Variants in BTN3A3 observed in about 807,000 individuals in gnomAD.
The protein encoded by BTN3A3 is butyrophilin subfamily 3 member A3, also known as butyrophilin 3.
BTN3A3 carries 39 observed loss-of-function variants against 43.2 expected under a neutral mutation model. The ratio of observed to expected loss-of-function variants is 0.90; its 90% CI spans 0.70 to 1.18. The LOEUF is 1.18. Among genes scored for constraint, BTN3A3 ranks in the 50% most tolerant of loss-of-function variants. BTN3A3 has a pLI of 0.00. For synonymous variants in BTN3A3, 255 were observed against 272.7 expected (o/e 0.93, Z 0.64); for missense variants, 631 against 722.8 (o/e 0.87, Z 1.46).
chr6:26,452,224 A>G lies in BTN3A3; in HGVS notation c.1568A>G (p.Asp523Gly). 6.2e-7 allele frequency: 1 copy of G among 1,614,140 alleles called. No homozygotes were observed. The highest frequency in any genetic ancestry group is 8.5e-7 in the Non-Finnish European group (1 of 1,180,022). ...PIPKEVESSP[D>G]PDLVPDHSLE... ...CCAAAAGAAGTAGAGAGTTCCCCCGATCCTGACCTAGTGCCTGATCATTCC... is the reference window on the plus strand; with the variant it reads ...CCAAAAGAAGTAGAGAGTTCCCCCGGTCCTGACCTAGTGCCTGATCATTCC... Residue 523 changes from aspartate (D) to glycine (G), a missense_variant, in exon 11 of 11, where the codon GAT becomes GGT. Asp to Gly is a moderately conservative substitution (Grantham distance 94). Coordinates refer to ENST00000244519, the MANE Select transcript of BTN3A3 (RefSeq NM_006994.5).
chr6:26,448,355 A>C lies in BTN3A3; in HGVS notation c.823A>C (p.Lys275Gln), dbSNP rs1431233364. The C allele has an allele frequency of 6.2e-7, 1 of 1,613,856 alleles. No individual in the cohort carries two copies. The highest frequency in any genetic ancestry group is 8.5e-7 in the Non-Finnish European group (1 of 1,179,962). Residue 275 changes from lysine (K) to glutamine (Q), a missense_variant, in exon 6 of 11, where the codon AAG (lysine) becomes CAG (glutamine). By Grantham distance (53) the Lys-to-Gln change is moderately conservative (BLOSUM62 1). Around this residue, in one of 2 missense-constraint regions of BTN3A3, gnomAD observed 551 missense variants for 584.0 expected, o/e 0.94. Coordinates refer to ENST00000244519, the MANE Select transcript of BTN3A3 (RefSeq NM_006994.5). ...CAGTTACTTCTTGTGGAGACAACAG[A>C]AGGAAAAAATTGCTCTGTCCAGGGA... ...GASYFLWRQQ[K>Q]EKIALSRETE...
chr6:26,448,750 G>A lies in BTN3A3; in HGVS notation c.960G>A (p.Met320Ile), dbSNP rs150366659. The part of the protein sequence containing the change: ...EELKWRKIQY[M>I]ARGEKSLAYH... ...CAGAGTGGAGGAAAATCCAGTACAT[G>A]GCTCGTGAGTGACTCTGACATTTTC... is the stretch of plus-strand genomic sequence containing the variant. Residue 320 changes from methionine (M) to isoleucine (I), a missense_variant, in exon 8 of 11, where the codon ATG (methionine) becomes ATA (isoleucine). Coordinates refer to ENST00000244519, the MANE Select transcript of BTN3A3 (RefSeq NM_006994.5). 11 of 1,613,686 alleles carry A rather than the reference G, an allele frequency of 6.8e-6. No individual in the cohort carries two copies. Among genetic ancestry groups the A allele is most frequent in the Non-Finnish European group, 9.3e-6 (11 of 1,179,972 alleles).
In BTN3A3 at chr6:26,444,068, G is replaced by A. The variant is rs1266756094; in HGVS notation, c.197G>A (p.Arg66Lys). The change falls in exon 4 of 11, where the codon AGG (arginine) becomes AAG (lysine). Residue 66 changes from arginine (R) to lysine (K), a missense_variant. Physicochemically the swap from Arg to Lys is conservative, Grantham distance 26 (BLOSUM62 2). Coordinates refer to ENST00000244519, the MANE Select transcript of BTN3A3 (RefSeq NM_006994.5). ...PTMSAETMEL[R>K]WVSSSLRQVV... ...ATGAGTGCAGAGACCATGGAGCTGA[G>A]GTGGGTGAGTTCCAGCCTAAGGCAG... The A allele has an allele frequency of 2.1e-5, 34 of 1,613,802 alleles. No homozygotes were observed. The highest frequency in any genetic ancestry group is 1.6e-4 in the Middle Eastern group (1 of 6,076).
intron 10 of BTN3A3, 71 bp downstream of exon 10, chr6:26,450,204 C>T: frequency 2.6e-6 from 4 of 1,552,694 alleles, no homozygotes; most frequent in Non-Finnish European, 3.5e-6. Context: ...TCCTCCAACT[C>T]TTGTGATTTA....
At chr6:26,444,439 T>G (rs1581651875) in intron 4 of BTN3A3, 135 bp downstream of exon 4, 1 of 1,380,042 alleles carries the variant, frequency 7.2e-7, no homozygotes, top group Non-Finnish European at 1.0e-6. Flanking sequence ...CAACTTAGCT[T>G]CTCTGCAACC....
chr6:26,447,486 C>A (rs957209917), intron 5 of BTN3A3, among the ~76,000 whole-genome samples: 2 of 152,138 alleles, frequency 1.3e-5, no homozygotes, highest in African/African-American at 4.8e-5. Flanking sequence ...CCTCAGCCTC[C>A]CAAGTAGTTG....
At position 26,448,282 on chromosome 6, in the gene BTN3A3, G is replaced by T; in HGVS notation, c.750G>T (p.Ala250=). 1 of 1,613,708 alleles carries T rather than the reference G, an allele frequency of 6.2e-7. No homozygotes were observed. The highest frequency in any genetic ancestry group is 8.5e-7 in the Non-Finnish European group (1 of 1,179,936). ...PFFRSAQPWI[A]ALAGTLPISL... ...TCAGGAGCGCCCAGCCCTGGATCGC[G>T]GCCCTGGCAGGGACCCTGCCTATCT... Residue 250 remains alanine, a synonymous_variant, in exon 6 of 11, where the codon GCG becomes GCT. Coordinates refer to ENST00000244519, the MANE Select transcript of BTN3A3 (RefSeq NM_006994.5).
chr6:26,452,477 C>A lies in BTN3A3; in HGVS notation c.*66C>A. The A allele has an allele frequency of 7.3e-7, 1 of 1,370,270 alleles. No homozygotes were observed. Among genetic ancestry groups the A allele is most frequent in the South Asian group, 1.5e-5 (1 of 68,618 alleles). The allele number at this position is 1,370,270 out of a possible 1,614,324, so 84.9% of individuals were successfully genotyped here. A position where few individuals can be genotyped will look rare whatever the true frequency, so the allele number is the denominator to read the frequency against. ...CGTACCACCTTATTGTCCCCTTATACAGATAAGGAAACTGGGGTGCAGAAA... is the reference window on the plus strand; with the variant it reads ...CGTACCACCTTATTGTCCCCTTATAAAGATAAGGAAACTGGGGTGCAGAAA... On this transcript the variant is annotated 3_prime_UTR_variant, in exon 11 of 11. Coordinates refer to ENST00000244519, the MANE Select transcript of BTN3A3 (RefSeq NM_006994.5).
In BTN3A3 at chr6:26,444,174, G is replaced by A. The variant is rs1369464090; in HGVS notation, c.303G>A (p.Arg101=). 3 of 1,612,052 alleles carry A rather than the reference G, an allele frequency of 1.9e-6. No individual in the cohort carries two copies. Among genetic ancestry groups the A allele is most frequent in the South Asian group, 1.1e-5 (1 of 90,986 alleles). Residue 101 remains arginine (R), a synonymous_variant, in exon 4 of 11, where the codon CGG becomes CGA. Coordinates refer to ENST00000244519, the MANE Select transcript of BTN3A3 (RefSeq NM_006994.5). Reference sequence around the variant, plus strand: ...ATCGAGGGAGAACTTCGATTCTGCGGGATGGCATCACTGCAGGGAAGGCTG... The same window carrying A: ...ATCGAGGGAGAACTTCGATTCTGCGAGATGGCATCACTGCAGGGAAGGCTG... ...APYRGRTSIL[R]DGITAGKAAL... is the part of the protein sequence containing the mutation.
intron 1 of BTN3A3, among the ~76,000 whole-genome samples, chr6:26,442,026 A>C (rs1198848456): frequency 6.6e-6 from 1 of 152,212 alleles, no homozygotes; most frequent in East Asian, 1.9e-4. Context: ...AAGATGTGAA[A>C]TGCAATATTT....
At position 26,451,911 on chromosome 6, in the gene BTN3A3, A is replaced by G. The variant is rs745484236; in HGVS notation, c.1255A>G (p.Lys419Glu). Reference sequence around the variant, plus strand: ...GGTATGTAGTAAGAACGTGGAGAGGAAAAAAGGTTGGGTCAAAATGACACC... The same window carrying G: ...GGTATGTAGTAAGAACGTGGAGAGGGAAAAAGGTTGGGTCAAAATGACACC... ...IGVCSKNVER[K>E]KGWVKMTPEN... Residue 419 changes from lysine (K) to glutamate (E), a missense_variant, in exon 11 of 11, where the codon AAA becomes GAA. Physicochemically the swap from Lys to Glu is moderately conservative, Grantham distance 56. Around this residue, in one of 2 missense-constraint regions of BTN3A3, gnomAD observed 551 missense variants for 584.0 expected, o/e 0.94. Coordinates refer to ENST00000244519, the MANE Select transcript of BTN3A3 (RefSeq NM_006994.5). 1.2e-6 allele frequency: 2 copies of G among 1,613,986 alleles called. No homozygotes were observed. The highest frequency in any genetic ancestry group is 1.7e-6 in the Non-Finnish European group (2 of 1,180,032).
rs971144420 is a variant in BTN3A3, at chr6:26,453,360, A to T, written c.*949A>T. The T allele has an allele frequency of 1.3e-4, 20 of 152,034 alleles. No individual in the cohort carries two copies. Among genetic ancestry groups the T allele is most frequent in the African/African-American group, 4.8e-4 (20 of 41,446 alleles). 9.4% of individuals were successfully genotyped at this position (152,034 alleles called of 1,614,324 possible). A position where few individuals can be genotyped will look rare whatever the true frequency, so the allele number is the denominator to read the frequency against. ...TATTGCTCACCACTGTATCCCCTCTACTTGGCAAGTGGTTGTCAAGTTCTA... is the reference window on the plus strand; with the variant it reads ...TATTGCTCACCACTGTATCCCCTCTTCTTGGCAAGTGGTTGTCAAGTTCTA... On this transcript the variant is annotated 3_prime_UTR_variant, in exon 11 of 11. Transcript: ENST00000244519.
chr6:26,443,837 G>A, intron 3 of BTN3A3, 120 bp from the exon 4 acceptor site: 1 of 1,495,030 alleles, frequency 6.7e-7, no homozygotes, highest in Non-Finnish European at 9.2e-7. Flanking sequence ...TGGTCCTTCT[G>A]TTAGGATTGT....
chr6:26,441,415 T>C (rs1762632597), intron 1 of BTN3A3, among the ~76,000 whole-genome samples: 1 of 152,326 alleles, frequency 6.6e-6, no homozygotes, highest in South Asian at 2.1e-4. Flanking sequence ...ATTTTGGCTA[T>C]TTCAATTATC....
At chr6:26,445,188 A>C (rs1258167020) in intron 4 of BTN3A3, 1 of 162,324 alleles carries the variant, frequency 6.2e-6, no homozygotes, top group African/African-American at 2.4e-5. Context: ...ACTTATGTTC[A>C]ACAGGAGGAT....
chr6:26,449,194 T>A (rs1762863341), intron 8 of BTN3A3: 1 of 211,302 alleles, frequency 4.7e-6, no homozygotes, highest in African/African-American at 2.3e-5. Flanking sequence ...GACAAGTGTG[T>A]CTAATAAAGA....
At chr6:26,450,705 A>G (rs1762907367) in intron 10 of BTN3A3, among the ~76,000 whole-genome samples, 1 of 152,158 alleles carries the variant, frequency 6.6e-6, no homozygotes, top group African/African-American at 2.4e-5. Context: ...GAAAGGAGGG[A>G]TAAGGGTAAG....
At chr6:26,449,482 A>G (rs1000329627) in intron 8 of BTN3A3, 180 bp from the exon 9 acceptor site, 12 of 666,826 alleles carry the variant, frequency 1.8e-5, no homozygotes, top group African/African-American at 1.6e-4. Context: ...CATTCAACCA[A>G]TGTTCCCAGA....
At chr6:26,448,122 G>T in intron 5 of BTN3A3, 126 bp from the exon 6 acceptor site, 1 of 1,094,758 alleles carries the variant, frequency 9.1e-7, no homozygotes, top group African/African-American at 1.6e-5. Context: ...GGGACAGAAC[G>T]CTTATTTAAC....
Sources: allele counts gnomAD v4.1 joint callset (sites outside exome capture counted in the v4.1 genomes callset), GRCh38; gene constraint gnomAD v4.1.1; regional missense constraint gnomAD v4.1.1; transcripts MANE v1.5; gene names NCBI Gene and HGNC (gene_info 2026-07-23, HGNC 2026-07-21).